Variants in R3HCC1 observed in about 807,000 individuals in gnomAD.
R3HCC1 encodes the protein R3H domain and coiled-coil containing 1, also known as R3H and coiled-coil domain-containing protein 1.
Under a neutral mutation model 40.0 loss-of-function variants are expected in R3HCC1, and 32 were observed. That is an observed-to-expected ratio of 0.80 (90% CI 0.60 to 1.07). The LOEUF is 1.07. Ranked by LOEUF, R3HCC1 falls within the 50% of genes least tolerant of loss-of-function variation. R3HCC1 has a pLI of 0.00. For synonymous variants in R3HCC1, 237 were observed against 232.8 expected (o/e 1.02, Z -0.17); for missense variants, 586 against 563.3 (o/e 1.04, Z -0.41).
chr8:23,288,722 G>T, intron 2 of R3HCC1, 89 bp downstream of exon 2: 2 of 1,472,432 alleles, frequency 1.4e-6, no homozygotes, highest in Non-Finnish European at 1.8e-6. Context: ...GGTGGTGCCT[G>T]GCAGCTGGCT....
chr8:23,293,511 C>G (rs1448437475), intron 6 of R3HCC1, 138 bp downstream of exon 6: 1 of 659,360 alleles, frequency 1.5e-6, no homozygotes, highest in Admixed American at 2.9e-5. Context: ...TTGTTCCCAG[C>G]CTAAAACCCA....
chr8:23,295,686 G>C (rs1466483623), intron 7 of R3HCC1: 1 of 530,712 alleles, frequency 1.9e-6, no homozygotes, highest in African/African-American at 1.9e-5. Flanking sequence ...TAAAAAGCAG[G>C]GAGGTGTGCA....
At chr8:23,289,763 A>C in intron 3 of R3HCC1, 103 bp from the exon 4 acceptor site, 4 of 1,413,366 alleles carry the variant, frequency 2.8e-6, no homozygotes, top group Non-Finnish European at 3.7e-6. Context: ...GTTTTTGCCT[A>C]ATGCTGACCC....
At chr8:23,295,759 G>C in intron 7 of R3HCC1, 2 of 664,340 alleles carry the variant, frequency 3.0e-6, no homozygotes, top group Non-Finnish European at 5.0e-6. Flanking sequence ...GAGGCGACAA[G>C]TTTGGGTCAG....
intron 5 of R3HCC1, among the ~76,000 whole-genome samples, chr8:23,292,852 AG>A (rs1802897847): frequency 6.6e-6 from 1 of 152,140 alleles, no homozygotes; most frequent in Non-Finnish European, 1.5e-5. Flanking sequence ...GCTGCAGGGT[AG>A]GTGGCACCTT....
At chr8:23,293,564 TGAA>T (rs1036756264) in intron 6 of R3HCC1, among the ~76,000 whole-genome samples, 191 bp downstream of exon 6, 1 of 152,170 alleles carries the variant, frequency 6.6e-6, no homozygotes, top group Non-Finnish European at 1.5e-5. Context: ...TGCGCCTTAA[TGAA>T]GAAGCCCTTC....
chr8:23,290,185 C>T lies in R3HCC1; in HGVS notation c.568C>T (p.Gln190Ter). Residue 190 changes from glutamine (Q) to a stop codon, truncating the protein, a stop_gained, in exon 4 of 8, where the codon CAG becomes TAG. Coordinates refer to ENST00000265806, the MANE Select transcript of R3HCC1 (RefSeq NM_001136108.3). LOFTEE classifies it high-confidence loss of function. The stretch of plus-strand genomic sequence containing the variant: ...TCAGGGACTCCCTGTGCTGATGACT[C>T]AGGGAACAGAGGACCTAAAGGGCCC... 6.4e-7 allele frequency: 1 copy of T among 1,551,730 alleles called. No homozygotes were observed. Among genetic ancestry groups the T allele is most frequent in the Non-Finnish European group, 8.7e-7 (1 of 1,146,996 alleles).
chr8:23,293,466 C>A, intron 6 of R3HCC1, 93 bp downstream of exon 6: 2 of 1,008,120 alleles, frequency 2.0e-6, no homozygotes, highest in Non-Finnish European at 3.0e-6. Flanking sequence ...ATCTCCTGGG[C>A]GCAGGCTCAG....
intron 6 of R3HCC1, 97 bp downstream of exon 6, chr8:23,293,470 G>A (rs951370697): frequency 4.1e-6 from 4 of 974,538 alleles, no homozygotes; most frequent in Non-Finnish European, 6.2e-6. Context: ...CCTGGGCGCA[G>A]GCTCAGCTGA....
chr8:23,290,611 C>G, intron 4 of R3HCC1, 142 bp downstream of exon 4: 1 of 1,022,084 alleles, frequency 9.8e-7, no homozygotes, highest in Non-Finnish European at 1.4e-6. Context: ...ACAGGGATTC[C>G]TTAGGGAACT....
intron 3 of R3HCC1, 79 bp from the exon 4 acceptor site, chr8:23,289,787 G>T: frequency 7.0e-7 from 1 of 1,435,986 alleles, no homozygotes; most frequent in South Asian, 1.5e-5. Flanking sequence ...TGTCTCTCCT[G>T]AATGACAAGT....
chr8:23,296,113 C>T lies in R3HCC1; in HGVS notation c.*16C>T. 5 of 1,546,116 alleles carry T rather than the reference C, an allele frequency of 3.2e-6. No homozygotes were observed. The highest frequency in any genetic ancestry group is 2.7e-5 in the African/African-American group (2 of 72,896). Reference sequence around the variant, plus strand: ...GCCGCCCTGAGGCCTGGAGACCCAACTGGCCTGGATCTGCGTCCCGACGTA... The same window carrying T: ...GCCGCCCTGAGGCCTGGAGACCCAATTGGCCTGGATCTGCGTCCCGACGTA... On this transcript the variant is annotated 3_prime_UTR_variant, in exon 8 of 8. Transcript: ENST00000265806.
intron 5 of R3HCC1, among the ~76,000 whole-genome samples, chr8:23,292,478 G>A (rs1457817541): frequency 2.6e-5 from 4 of 152,302 alleles, no homozygotes; most frequent in Non-Finnish European, 5.9e-5. Context: ...GCTGGGCGTG[G>A]TGGCAGGCGC....
intron 7 of R3HCC1, 51 bp downstream of exon 7, chr8:23,294,915 G>C (rs1221841926): frequency 1.6e-6 from 2 of 1,283,116 alleles, no homozygotes; most frequent in Non-Finnish European, 2.2e-6. Flanking sequence ...GTGTGTGTGC[G>C]TGCGAGCATG....
chr8:23,289,526 TCTTA>T (rs1335138255), intron 3 of R3HCC1, among the ~76,000 whole-genome samples: 1 of 152,154 alleles, frequency 6.6e-6, no homozygotes, highest in African/African-American at 2.4e-5. Flanking sequence ...TCAGTGAGCA[TCTTA>T]CTTTAATGAC....
At chr8:23,295,254 A>G (rs934508387) in intron 7 of R3HCC1, among the ~76,000 whole-genome samples, 1 of 152,114 alleles carries the variant, frequency 6.6e-6, no homozygotes, top group Admixed American at 6.5e-5. Flanking sequence ...GGACCCCCAA[A>G]TGGCTCTGTC....
chr8:23,288,603 A>G lies in R3HCC1; in HGVS notation c.80A>G (p.Asp27Gly), dbSNP rs1007936692. Residue 27 changes from aspartate (D) to glycine (G), a missense_variant, in exon 2 of 8, where the codon GAC becomes GGC. Transcript: ENST00000265806. ...GTCCACCGGATCCAGGAGGAACTGG[A>G]CCGCTTTCTGCTGCAGAAGCAGCTG... 1.3e-6 allele frequency: 2 copies of G among 1,535,924 alleles called. No individual in the cohort carries two copies. The highest frequency in any genetic ancestry group is 2.7e-5 in the African/African-American group (2 of 73,102).
intron 5 of R3HCC1, among the ~76,000 whole-genome samples, chr8:23,292,601 G>A (rs971781837): frequency 3.3e-5 from 5 of 151,654 alleles, no homozygotes; most frequent in African/African-American, 7.3e-5. Flanking sequence ...GTGACAGTGC[G>A]AGACTCCCTC....
In R3HCC1 at chr8:23,290,127, T is replaced by C. The variant is rs778416968; in HGVS notation, c.510T>C (p.Pro170=). 30 of 1,551,416 alleles carry C rather than the reference T, an allele frequency of 1.9e-5. No individual in the cohort carries two copies. In the South Asian group the frequency reaches 3.4e-4, roughly 18 times the overall value. Reference sequence around the variant, plus strand: ...CAGCTGGCAGGGACCCAGAAGAGCCTGGAGATGTTGGTGCTGGAGACCCCA... The same window carrying C: ...CAGCTGGCAGGGACCCAGAAGAGCCCGGAGATGTTGGTGCTGGAGACCCCA... The change falls in exon 4 of 8, where the codon CCT becomes CCC. Residue 170 remains proline (P), a synonymous_variant. Transcript: ENST00000265806.
Sources: gnomAD v4.1 joint callset for allele counts (sites outside exome capture counted in the v4.1 genomes callset) on GRCh38, gnomAD v4.1.1 for gene constraint, MANE v1.5 for transcripts, NCBI Gene and HGNC (gene_info 2026-07-23, HGNC 2026-07-21) for gene names.